The following TSPAN9 variants were observed in gnomAD, a reference collection of about 807,000 sequenced individuals.
TSPAN9 encodes the protein tetraspanin-9.
In TSPAN9, 16 loss-of-function variants were observed where a neutral mutation model predicts 31.0. That is an observed-to-expected ratio of 0.52 (90% CI 0.35 to 0.78). The LOEUF (loss-of-function observed/expected upper bound fraction) is 0.78, where lower values mean the gene tolerates loss of function less well. Ranked by LOEUF, TSPAN9 falls within the 30% of genes least tolerant of loss-of-function variation. TSPAN9 has a pLI of 0.01. For synonymous variants in TSPAN9, 145 were observed against 121.6 expected (o/e 1.19, Z -1.27); for missense variants, 272 against 312.5 (o/e 0.87, Z 0.98).
chr12:3,209,242 A>T (rs568776945), intron 3 of TSPAN9, among the ~76,000 whole-genome samples: 10 of 152,124 alleles, frequency 6.6e-5, no homozygotes, highest in South Asian at 2.1e-4. Flanking sequence ...CTCAAAAAAA[A>T]AAAAAAATAA....
chr12:3,178,759 G>C (rs1452238032), intron 2 of TSPAN9, among the ~76,000 whole-genome samples: 1 of 152,242 alleles, frequency 6.6e-6, no homozygotes, highest in Admixed American at 6.5e-5. Context: ...GTGTCTGGGT[G>C]GGGGTACAGG....
At position 3,080,666 on chromosome 12, in the gene TSPAN9, A is replaced by G. The variant is rs536374694; in HGVS notation, c.-84-2987A>G. The stretch of plus-strand genomic sequence containing the variant: ...AAAATCTTAAGTGTACATTTTAACC[A>G]TTCTTAAATGTACAGTTCAGTAGCA... On this transcript the variant is annotated intron_variant, in intron 1 of 8. Coordinates refer to ENST00000011898, the MANE Select transcript of TSPAN9 (RefSeq NM_006675.5). Among the ~76,000 whole-genome samples, 4 of 152,346 alleles carry G rather than the reference A, an allele frequency of 2.6e-5. No individual in the cohort carries two copies. The South Asian group carries it at 8.3e-4, about 32-fold the overall frequency.
intron 2 of TSPAN9, among the ~76,000 whole-genome samples, chr12:3,121,102 A>G (rs2098324864): frequency 2.6e-5 from 4 of 152,136 alleles, no homozygotes; most frequent in Non-Finnish European, 5.9e-5. Context: ...GTCCCTTCCA[A>G]CTCTGCATAG....
chr12:3,186,546 T>TTGTGTGTGTG (rs61329208), intron 2 of TSPAN9, among the ~76,000 whole-genome samples: 135 of 135,952 alleles, frequency 9.9e-4, no homozygotes, highest in African/African-American at 3.1e-3. Context: ...AGGAGTTTGT[T>TTGTGTGTGTG]TGTGTGTGTG....
chr12:3,121,554 T>TG (rs2098325152), intron 2 of TSPAN9, among the ~76,000 whole-genome samples: 1 of 145,694 alleles, frequency 6.9e-6, no homozygotes, highest in Non-Finnish European at 1.5e-5. Flanking sequence ...TTTTTTTTTT[T>TG]TTTTGTAGAG....
intron 2 of TSPAN9, among the ~76,000 whole-genome samples, chr12:3,109,175 A>ATCCG (rs1236832469): frequency 4.0e-5 from 6 of 151,202 alleles, no homozygotes; most frequent in Non-Finnish European, 5.9e-5. Flanking sequence ...TGACCTCGTG[A>ATCCG]TCCGCCCGCC....
At chr12:3,173,505 T>G (rs2098353284) in intron 2 of TSPAN9, 1 of 152,254 alleles carries the variant, frequency 6.6e-6, no homozygotes, top group Admixed American at 6.5e-5. Context: ...AGAGTTTGTT[T>G]TTGTGTATTT....
chr12:3,198,118 C>T (rs2098368262), intron 2 of TSPAN9, among the ~76,000 whole-genome samples: 1 of 103,186 alleles, frequency 9.7e-6, no homozygotes, highest in African/African-American at 3.5e-5. Context: ...CAGGCCACCA[C>T]CAGCACAGGC....
chr12:3,221,960 A>G (rs1243183959), intron 3 of TSPAN9, among the ~76,000 whole-genome samples: 1 of 152,232 alleles, frequency 6.6e-6, no homozygotes, highest in Non-Finnish European at 1.5e-5. Context: ...AGTTTTAAAG[A>G]TACCTGAGCA....
At chr12:3,131,371 G>A (rs553972572) in intron 2 of TSPAN9, among the ~76,000 whole-genome samples, 1 of 152,296 alleles carries the variant, frequency 6.6e-6, no homozygotes, top group Non-Finnish European at 1.5e-5. Flanking sequence ...TGATGGTGGC[G>A]TACAGCAGCA....
chr12:3,153,665 A>G (rs1397591679), intron 2 of TSPAN9, among the ~76,000 whole-genome samples: 1 of 152,210 alleles, frequency 6.6e-6, no homozygotes, highest in South Asian at 2.1e-4. Context: ...CTGCACTAAT[A>G]CATTAATATG....
intron 2 of TSPAN9, among the ~76,000 whole-genome samples, chr12:3,178,481 T>G (rs149675083): frequency 0.041 from 6,183 of 152,020 alleles, 400 homozygotes; most frequent in African/African-American, 0.14. Flanking sequence ...AGTAGAGATG[T>G]GTTTTCACCG....
intron 3 of TSPAN9, among the ~76,000 whole-genome samples, chr12:3,269,546 T>C (rs933570561): frequency 2.2e-5 from 3 of 135,760 alleles, no homozygotes; most frequent in Non-Finnish European, 4.7e-5. Flanking sequence ...TCCTGCAGCC[T>C]GCCCTCTCTG....
chr12:3,261,419 A>AG (rs1449679683), intron 3 of TSPAN9, among the ~76,000 whole-genome samples: 2 of 152,124 alleles, frequency 1.3e-5, no homozygotes, highest in African/African-American at 4.8e-5. Context: ...ATATCTGGCA[A>AG]GGGGTAGAGC....
chr12:3,239,757 G>A (rs1410699611), intron 3 of TSPAN9, among the ~76,000 whole-genome samples: 1 of 152,140 alleles, frequency 6.6e-6, no homozygotes, highest in Admixed American at 6.5e-5. Flanking sequence ...CTTCTGGGAG[G>A]GTCATTGGAG....
chr12:3,123,463 C>G (rs550816095), intron 2 of TSPAN9, among the ~76,000 whole-genome samples: 2 of 152,282 alleles, frequency 1.3e-5, no homozygotes, highest in African/African-American at 4.8e-5. Flanking sequence ...TGCCCTTGGC[C>G]TGAGGCTCAG....
At chr12:3,226,459 C>CT (rs1400944220) in intron 3 of TSPAN9, among the ~76,000 whole-genome samples, 2 of 151,484 alleles carry the variant, frequency 1.3e-5, no homozygotes, top group Admixed American at 6.6e-5. Context: ...GCCATGTAAT[C>CT]TTTTTTCCCT....
chr12:3,252,486 G>GC (rs1565632758), intron 3 of TSPAN9, among the ~76,000 whole-genome samples: 1 of 152,226 alleles, frequency 6.6e-6, no homozygotes, highest in African/African-American at 2.4e-5. Flanking sequence ...CCAGCCCCAT[G>GC]CCCTTATATA....
chr12:3,146,414 C>T (rs1347882521), intron 2 of TSPAN9, among the ~76,000 whole-genome samples: 11 of 152,154 alleles, frequency 7.2e-5, no homozygotes, highest in Non-Finnish European at 1.3e-4. Context: ...TTCATTCTGC[C>T]CACCTGTCTG....
Sources: allele counts gnomAD v4.1 joint callset (sites outside exome capture counted in the v4.1 genomes callset), GRCh38; gene constraint gnomAD v4.1.1; transcripts MANE v1.5; gene names NCBI Gene and HGNC (gene_info 2026-07-23, HGNC 2026-07-21).